The following RUFY2 variants were observed in gnomAD, a reference collection of about 807,000 sequenced individuals.
RUFY2 encodes RUN and FYVE domain containing 2, also known as RUN and FYVE domain-containing protein 2.
RUFY2 carries 49 observed loss-of-function variants against 94.4 expected under a neutral mutation model. The observed-to-expected ratio is 0.52, with a 90% CI of 0.41 to 0.66. RUFY2 has a LOEUF of 0.66. RUFY2 is among the 30% of genes least tolerant of loss of function. The pLI is 0.00. For synonymous variants in RUFY2, 255 were observed against 235.7 expected, an observed-to-expected ratio of 1.08 and a Z score of -0.75; for missense variants, 541 against 692.8, an observed-to-expected ratio of 0.78 and a Z score of 2.46.
intron 16 of RUFY2, 58 bp from the exon 17 acceptor site, chr10:68,346,142 A>G: frequency 1.5e-6 from 2 of 1,323,154 alleles, no homozygotes; most frequent in Non-Finnish European, 2.1e-6. Flanking sequence ...AAATGTGAAA[A>G]CTTTTTCCCC....
At chr10:68,381,139 A>C in intron 11 of RUFY2, 93 bp downstream of exon 11, 1 of 901,550 alleles carries the variant, frequency 1.1e-6, no homozygotes, top group East Asian at 2.6e-5. Context: ...TTGCACAGTT[A>C]AAATAAAATG....
In RUFY2 at chr10:68,370,313, T is replaced by G. The variant is rs1018654773; in HGVS notation, c.1326-6200A>C. The stretch of plus-strand genomic sequence containing the variant: ...AAAAACAGAAAGTAAACTAATCCAG[T>G]CTATCCCTGGATCTAAGGGAAAAAA... On this transcript the variant is annotated intron_variant, in intron 13 of 17. Transcript: ENST00000602465. Among the ~76,000 whole-genome samples the G allele has an allele frequency of 3.2e-4, 49 of 151,896 alleles. 2 individuals carry two copies.
At position 68,377,542 on chromosome 10, in the gene RUFY2, A is replaced by G. The variant is rs572027948; in HGVS notation, c.1206-570T>C. 6 of 985,440 alleles carry G rather than the reference A, an allele frequency of 6.1e-6. 1 individual carries two copies. In the South Asian group the frequency reaches 1.9e-4, roughly 31 times the overall value. The allele number at this position is 985,440 out of a possible 1,614,324, so 61.0% of individuals were successfully genotyped here. A position where few individuals can be genotyped will look rare whatever the true frequency, so the allele number is the denominator to read the frequency against. Reference sequence around the variant, plus strand: ...TGTGTGTGTGTGTGCACGTGTGCATATATGTTTAAGATTCAAAAAGAATTT... The same window carrying G: ...TGTGTGTGTGTGTGCACGTGTGCATGTATGTTTAAGATTCAAAAAGAATTT... On this transcript the variant is annotated intron_variant, in intron 12 of 17. Coordinates refer to ENST00000602465, the MANE Select transcript of RUFY2 (RefSeq NM_001330103.2).
chr10:68,345,919 A>C lies in RUFY2; in HGVS notation c.1678-8T>G. On this transcript the variant is annotated splice_region_variant and splice_polypyrimidine_tract_variant and intron_variant, in intron 17 of 17. Coordinates refer to ENST00000602465, the MANE Select transcript of RUFY2 (RefSeq NM_001330103.2). ...ACAATTTCTACAGTGGTGCTATTAA[A>C]CAGAAAAATCAGAGGGAAAAAAACA... The C allele has an allele frequency of 6.2e-7, 1 of 1,613,046 alleles. No homozygotes were observed. The highest frequency in any genetic ancestry group is 8.5e-7 in the Non-Finnish European group (1 of 1,179,702).
At chr10:68,346,998 A>G (rs780317793) in intron 16 of RUFY2, among the ~76,000 whole-genome samples, 3 of 152,116 alleles carry the variant, frequency 2.0e-5, no homozygotes, top group Non-Finnish European at 4.4e-5. Flanking sequence ...ATAAGCCCAT[A>G]GTCCCAGCTA....
At chr10:68,398,211 A>G (rs1415489757) in intron 3 of RUFY2, among the ~76,000 whole-genome samples, 1 of 152,128 alleles carries the variant, frequency 6.6e-6, no homozygotes, top group East Asian at 1.9e-4. Context: ...CTGAATTTTA[A>G]AAATCATAAC....
chr10:68,381,178 C>T, intron 11 of RUFY2, 54 bp downstream of exon 11: 2 of 1,451,192 alleles, frequency 1.4e-6, no homozygotes, highest in Non-Finnish European at 1.9e-6. Context: ...CAAAACCTTT[C>T]TACAAATATT....
At chr10:68,367,799 T>C (rs923269243) in intron 13 of RUFY2, among the ~76,000 whole-genome samples, 3 of 139,690 alleles carry the variant, frequency 2.1e-5, no homozygotes, top group Non-Finnish European at 4.7e-5. Context: ...AGGGTCTCAC[T>C]ATGTTGCCCA....
In RUFY2 at chr10:68,405,705, G is replaced by A. The variant is rs1452236597; in HGVS notation, c.5-861C>T. On this transcript the variant is annotated intron_variant, in intron 1 of 17. Transcript: ENST00000602465. ...ACAGAAGAAGCCGTCCAATTCTTTC[G>A]TCTACCCTCTTTCTGTCTGGCTTCT... 6.1e-6 allele frequency: 6 copies of A among 983,064 alleles called. No individual in the cohort carries two copies. The East Asian group carries it at 4.5e-4, about 74-fold the overall frequency. 60.9% of individuals were successfully genotyped at this position (983,064 alleles called of 1,614,324 possible). A position where few individuals can be genotyped will look rare whatever the true frequency, so the allele number is the denominator to read the frequency against.
At chr10:68,374,336 A>T (rs1347077109) in intron 13 of RUFY2, among the ~76,000 whole-genome samples, 1 of 152,036 alleles carries the variant, frequency 6.6e-6, no homozygotes, top group Non-Finnish European at 1.5e-5. Flanking sequence ...ATGGAAAAAT[A>T]TACACTTTAA....
chr10:68,373,326 G>A (rs1333520759), intron 13 of RUFY2, among the ~76,000 whole-genome samples: 1 of 151,954 alleles, frequency 6.6e-6, no homozygotes, highest in Non-Finnish European at 1.5e-5. Flanking sequence ...TGGGAAGGCA[G>A]AAAAAATTAA....
chr10:68,381,197 A>C, intron 11 of RUFY2, 35 bp downstream of exon 11: 2 of 1,521,476 alleles, frequency 1.3e-6, no homozygotes, highest in South Asian at 2.6e-5. Context: ...TTCACTTTCA[A>C]TTTACATAAA....
intron 16 of RUFY2, among the ~76,000 whole-genome samples, chr10:68,350,146 A>C (rs1426294448): frequency 2.6e-5 from 4 of 152,004 alleles, no homozygotes; most frequent in Non-Finnish European, 5.9e-5. Context: ...AGTAGCTGGG[A>C]CTACAGGCGC....
At chr10:68,347,280 T>C (rs1311142060) in intron 16 of RUFY2, among the ~76,000 whole-genome samples, 6 of 15,642 alleles carry the variant, frequency 3.8e-4, no homozygotes, top group African/African-American at 5.8e-4. Context: ...ACTTGACCCT[T>C]TTTTTTTTTT....
rs527251159 is a variant in RUFY2 at position 68,355,414 on chromosome 10, C to T, written c.1551-13G>A. ...TTTAAGTTTTGATCTAAAAAGATTA[C>T]AAATAGGTCCAAATTTCAGTACACA... On this transcript the variant is annotated splice_polypyrimidine_tract_variant and intron_variant, in intron 15 of 17. Coordinates refer to ENST00000602465, the MANE Select transcript of RUFY2 (RefSeq NM_001330103.2). 2.6e-6 allele frequency: 4 copies of T among 1,539,932 alleles called. No homozygotes were observed. Among genetic ancestry groups the T allele is most frequent in the African/African-American group, 2.7e-5 (2 of 73,456 alleles).
At chr10:68,380,335 T>C (rs950417973) in intron 11 of RUFY2, among the ~76,000 whole-genome samples, 5 of 150,824 alleles carry the variant, frequency 3.3e-5, no homozygotes, top group South Asian at 4.2e-4. Context: ...GGTGGGAGGA[T>C]CGCTTGAGAC....
At chr10:68,367,437 A>T (rs911977386) in intron 13 of RUFY2, among the ~76,000 whole-genome samples, 6 of 151,862 alleles carry the variant, frequency 4.0e-5, no homozygotes, top group African/African-American at 1.5e-4. Flanking sequence ...TTTTTTCTGA[A>T]TGTTTTGGGG....
intron 13 of RUFY2, among the ~76,000 whole-genome samples, chr10:68,367,766 T>C (rs1297135530): frequency 6.9e-6 from 1 of 144,482 alleles, no homozygotes; most frequent in Non-Finnish European, 1.5e-5. Flanking sequence ...TTCCTTCCTT[T>C]CTTTCTTTCT....
At chr10:68,374,554 C>A (rs924238402) in intron 13 of RUFY2, among the ~76,000 whole-genome samples, 1 of 152,012 alleles carries the variant, frequency 6.6e-6, no homozygotes, top group Non-Finnish European at 1.5e-5. Context: ...ATATATTTAC[C>A]AATCCACAAT....
Sources: allele counts gnomAD v4.1 joint callset (sites outside exome capture counted in the v4.1 genomes callset), GRCh38; gene constraint gnomAD v4.1.1; transcripts MANE v1.5; gene names NCBI Gene and HGNC (gene_info 2026-07-23, HGNC 2026-07-21).